MICU2: variants seen among roughly 807,000 people sequenced by gnomAD.
MICU2 encodes the protein mitochondrial calcium uptake 2.
A neutral mutation model predicts 60.4 loss-of-function variants in MICU2; 64 were observed. The ratio of observed to expected loss-of-function variants is 1.06; its 90% confidence interval spans 0.87 to 1.31. The LOEUF (loss-of-function observed/expected upper bound fraction) is 1.31, where lower values mean the gene tolerates loss of function less well. Ranked by LOEUF, MICU2 falls within the 50% of genes most tolerant of loss-of-function variation. MICU2 has a pLI of 0.00. For synonymous variants in MICU2, 201 were observed against 175.0 expected, an observed-to-expected ratio of 1.15 and a Z score of -1.17; for missense variants, 569 against 531.0, an observed-to-expected ratio of 1.07 and a Z score of -0.70.
chr13:21,601,964 T>A (rs765048496), intron 1 of MICU2, among the ~76,000 whole-genome samples: 27 of 151,312 alleles, frequency 1.8e-4, no homozygotes, highest in Non-Finnish European at 1.5e-5. Context: ...AAAAATTAGC[T>A]GGACGTGGTG....
At chr13:21,494,108 A>C (rs1885930703) in intron 11 of MICU2, among the ~76,000 whole-genome samples, 1 of 152,204 alleles carries the variant, frequency 6.6e-6, no homozygotes, top group Admixed American at 6.5e-5. Context: ...AGACTGGCTT[A>C]ATTTCCCGGA....
chr13:21,501,116 C>T (rs1343063858), intron 9 of MICU2, among the ~76,000 whole-genome samples: 1 of 152,082 alleles, frequency 6.6e-6, no homozygotes, highest in Non-Finnish European at 1.5e-5. Context: ...TTTTACCCAA[C>T]TAATTTAAAA....
At chr13:21,543,774 T>C (rs1383798210) in intron 2 of MICU2, among the ~76,000 whole-genome samples, 8 of 150,212 alleles carry the variant, frequency 5.3e-5, no homozygotes, top group Admixed American at 1.3e-4. Context: ...GTAATCCTTA[T>C]CAAAATAACA....
Position 21,539,300 on chromosome 13 carries a change from AC to A in MICU2, c.466+1del. On this transcript the variant is annotated splice_donor_variant, in intron 4 of 11. Coordinates refer to ENST00000382374, the MANE Select transcript of MICU2 (RefSeq NM_152726.3). LOFTEE classifies it high-confidence loss of function. ...AGAAATTTAACAACAAACCAAAATT[AC>A]CTTTATCGCCAAGGTCTCTGAAAAA... 6.2e-7 allele frequency: 1 copy of A among 1,613,034 alleles called. No individual in the cohort carries two copies. Among genetic ancestry groups the A allele is most frequent in the Non-Finnish European group, 8.5e-7 (1 of 1,179,568 alleles).
chr13:21,517,826 ATACT>A (rs1242017680), intron 6 of MICU2, among the ~76,000 whole-genome samples: 1 of 151,294 alleles, frequency 6.6e-6, no homozygotes, highest in Non-Finnish European at 1.5e-5. Context: ...CACGCGCTAC[ATACT>A]TAGGTTTACT....
intron 2 of MICU2, among the ~76,000 whole-genome samples, chr13:21,541,093 G>C (rs2761908): frequency 6.6e-6 from 1 of 152,098 alleles, no homozygotes; most frequent in Non-Finnish European, 1.5e-5. Context: ...ACTTAAAGTA[G>C]TCTAGAAAGC....
intron 1 of MICU2, among the ~76,000 whole-genome samples, chr13:21,592,800 T>C (rs903661477): frequency 5.9e-5 from 9 of 152,176 alleles, no homozygotes; most frequent in African/African-American, 2.2e-4. Flanking sequence ...AAAAGGCCTT[T>C]GATAAAATTC....
intron 1 of MICU2, among the ~76,000 whole-genome samples, chr13:21,577,583 G>A (rs1479676336): frequency 1.3e-5 from 2 of 151,894 alleles, no homozygotes; most frequent in African/African-American, 2.4e-5. Context: ...CGATGTGGGT[G>A]GATCACAAGG....
intron 1 of MICU2, among the ~76,000 whole-genome samples, chr13:21,592,628 C>T (rs553401814): frequency 6.6e-6 from 1 of 152,316 alleles, no homozygotes; most frequent in Non-Finnish European, 1.5e-5. Flanking sequence ...CACTGGCAAA[C>T]CCAATCAATC....
intron 1 of MICU2, among the ~76,000 whole-genome samples, chr13:21,577,928 A>G (rs950669769): frequency 9.9e-5 from 15 of 151,700 alleles, no homozygotes; most frequent in African/African-American, 3.6e-4. Flanking sequence ...ACCAGGAGCT[A>G]TAATTGTGCC....
At chr13:21,576,860 G>A (rs1460836078) in intron 1 of MICU2, among the ~76,000 whole-genome samples, 1 of 152,060 alleles carries the variant, frequency 6.6e-6, no homozygotes, top group Non-Finnish European at 1.5e-5. Context: ...AAAAAGCCCT[G>A]CAAAGTATGT....
chr13:21,500,644 C>T (rs1886129108), intron 9 of MICU2, among the ~76,000 whole-genome samples: 1 of 151,930 alleles, frequency 6.6e-6, no homozygotes, highest in Non-Finnish European at 1.5e-5. Flanking sequence ...GTCTCGAACT[C>T]CTGACCTTGA....
At chr13:21,564,848 G>GTA (rs932728530) in intron 2 of MICU2, among the ~76,000 whole-genome samples, 1 of 152,136 alleles carries the variant, frequency 6.6e-6, no homozygotes, top group Non-Finnish European at 1.5e-5. Flanking sequence ...TCACAAAAGC[G>GTA]TATGGGCTTC....
chr13:21,528,900 T>C (rs1268290572), intron 4 of MICU2, among the ~76,000 whole-genome samples: 1 of 151,962 alleles, frequency 6.6e-6, no homozygotes, highest in Non-Finnish European at 1.5e-5. Context: ...GAGAAGGTGG[T>C]GAGTCAGAGA....
chr13:21,568,397 C>T (rs759753853), intron 1 of MICU2, among the ~76,000 whole-genome samples: 32 of 151,958 alleles, frequency 2.1e-4, no homozygotes, highest in Non-Finnish European at 4.1e-4. Context: ...TGATCTGTAC[C>T]CTCACCTTCC....
intron 2 of MICU2, among the ~76,000 whole-genome samples, chr13:21,548,083 TTAAA>T (rs1219739694): frequency 6.6e-6 from 1 of 152,162 alleles, no homozygotes; most frequent in African/African-American, 2.4e-5. Context: ...AGGGAACCAA[TTAAA>T]TAAATTATGG....
intron 1 of MICU2, among the ~76,000 whole-genome samples, chr13:21,573,408 G>C (rs564576143): frequency 4.6e-5 from 7 of 152,208 alleles, no homozygotes; most frequent in Non-Finnish European, 8.8e-5. Context: ...GAGTAGCTGG[G>C]ACTACAGGCG....
intron 8 of MICU2, among the ~76,000 whole-genome samples, chr13:21,504,491 C>T (rs954598892): frequency 1.3e-5 from 2 of 152,274 alleles, no homozygotes; most frequent in Middle Eastern, 3.4e-3. Context: ...CCTAATTACA[C>T]TACTTTTAAT....
chr13:21,525,640 T>C (rs991176207), intron 4 of MICU2, among the ~76,000 whole-genome samples: 10 of 152,028 alleles, frequency 6.6e-5, no homozygotes, highest in Non-Finnish European at 8.8e-5. Context: ...TGGTATCTCA[T>C]TGCGGTTTTG....
Sources: gnomAD v4.1 joint callset for allele counts (sites outside exome capture counted in the v4.1 genomes callset) on GRCh38, gnomAD v4.1.1 for gene constraint, MANE v1.5 for transcripts, NCBI Gene and HGNC (gene_info 2026-07-23, HGNC 2026-07-21) for gene names.